Variants in DOK6 observed in about 807,000 individuals in gnomAD.
DOK6 encodes downstream of tyrosine kinase 6.
A neutral mutation model predicts 44.0 loss-of-function variants in DOK6; 22 were observed. The observed-to-expected ratio is 0.50, with a 90% CI of 0.36 to 0.71. The LOEUF is 0.71. Ranked by LOEUF, DOK6 falls within the 30% of genes least tolerant of loss-of-function variation. The probability of loss-of-function intolerance (pLI) is 0.00; values close to 1 mark genes in which losing one functional copy is unlikely to be tolerated. For missense variants in DOK6, 340 were observed against 416.4 expected (o/e 0.82, Z 1.60); for synonymous variants, 166 against 145.5 (o/e 1.14, Z -1.01).
At chr18:69,623,524 G>A (rs1270289496) in intron 3 of DOK6, among the ~76,000 whole-genome samples, 1 of 152,138 alleles carries the variant, frequency 6.6e-6, no homozygotes, top group Non-Finnish European at 1.5e-5. Flanking sequence ...CTCATAATGT[G>A]CATAATCACC....
intron 2 of DOK6, among the ~76,000 whole-genome samples, chr18:69,573,952 C>G (rs1049242443): frequency 3.9e-5 from 6 of 151,918 alleles, no homozygotes; most frequent in African/African-American, 1.2e-4. Context: ...AAGGTAAAAG[C>G]CATCAATAGG....
chr18:69,626,036 A>T (rs188334543), intron 3 of DOK6, among the ~76,000 whole-genome samples: 274 of 152,288 alleles, frequency 1.8e-3, no homozygotes, highest in Non-Finnish European at 3.0e-3. Context: ...GATGCATCTG[A>T]CACCCTGACT....
chr18:69,833,965 A>T (rs2096482218), intron 7 of DOK6, among the ~76,000 whole-genome samples: 1 of 152,226 alleles, frequency 6.6e-6, no homozygotes, highest in Admixed American at 6.5e-5. Flanking sequence ...AATATTAAGT[A>T]GTACAGCTAT....
rs563370052 is a variant in DOK6, at chr18:69,441,182, G to A, written c.66+39872G>A. Among the ~76,000 whole-genome samples, 26 of 152,048 alleles carry A rather than the reference G, an allele frequency of 1.7e-4. No homozygotes were observed. In the South Asian group the frequency reaches 4.2e-3, roughly 24 times the overall value. ...AATACTCCTTACATGAATACCAGATGAAGTTAAAGTAACATTTTATTACAG... is the reference window on the plus strand; with the variant it reads ...AATACTCCTTACATGAATACCAGATAAAGTTAAAGTAACATTTTATTACAG... On this transcript the variant is annotated intron_variant, in intron 1 of 7. Coordinates refer to ENST00000382713, the MANE Select transcript of DOK6 (RefSeq NM_152721.6).
At chr18:69,655,375 T>C (rs1985333451) in intron 3 of DOK6, among the ~76,000 whole-genome samples, 1 of 152,154 alleles carries the variant, frequency 6.6e-6, no homozygotes, top group Non-Finnish European at 1.5e-5. Flanking sequence ...TAAAATGCCA[T>C]TGAAATGGAA....
In DOK6 at chr18:69,689,036, C is replaced by T. The variant is rs568195133; in HGVS notation, c.410-9368C>T. On this transcript the variant is annotated intron_variant, in intron 4 of 7. Transcript: ENST00000382713. The stretch of plus-strand genomic sequence containing the variant: ...AACTTCATCAAAACTCAAACTATTG[C>T]TCATCAAGAAAGTGCCATCAAAAAA... 2.4e-4 allele frequency among the ~76,000 whole-genome samples: 37 copies of T among 152,224 alleles called. 2 individuals are homozygous for T. The South Asian group carries it at 7.5e-3, about 31-fold the overall frequency.
chr18:69,651,803 A>G (rs1385864504), intron 3 of DOK6, among the ~76,000 whole-genome samples: 1 of 151,828 alleles, frequency 6.6e-6, no homozygotes, highest in Non-Finnish European at 1.5e-5. Flanking sequence ...GCCCCCTTTA[A>G]TCTCTTTTCT....
At chr18:69,509,104 G>A (rs1332707462) in intron 1 of DOK6, among the ~76,000 whole-genome samples, 2 of 152,072 alleles carry the variant, frequency 1.3e-5, no homozygotes, top group African/African-American at 4.8e-5. Flanking sequence ...ACCATCACCA[G>A]TGGTAAGACA....
At chr18:69,759,913 T>G (rs563712960) in intron 7 of DOK6, among the ~76,000 whole-genome samples, 5 of 152,330 alleles carry the variant, frequency 3.3e-5, no homozygotes, top group Non-Finnish European at 7.3e-5. Flanking sequence ...ATTTATAAAA[T>G]GTATTCAACG....
chr18:69,808,449 G>A (rs1464212675), intron 7 of DOK6, among the ~76,000 whole-genome samples: 10 of 151,668 alleles, frequency 6.6e-5, no homozygotes, highest in Admixed American at 4.6e-4. Flanking sequence ...CAAAGTAAAC[G>A]AGTTAGAGAC....
intron 5 of DOK6, among the ~76,000 whole-genome samples, chr18:69,738,609 T>A (rs1382489535): frequency 2.0e-5 from 3 of 152,238 alleles, no homozygotes; most frequent in African/African-American, 7.2e-5. Flanking sequence ...AGTTTGCCCA[T>A]ATTGTATCAT....
chr18:69,489,383 A>G (rs1302128531), intron 1 of DOK6, among the ~76,000 whole-genome samples: 2 of 152,190 alleles, frequency 1.3e-5, no homozygotes, highest in Admixed American at 6.5e-5. Context: ...GTGATGGACC[A>G]TGGGCCAGGG....
intron 1 of DOK6, among the ~76,000 whole-genome samples, chr18:69,432,022 GA>G (rs149308148): frequency 0.28 from 42,039 of 151,920 alleles, 6,255 homozygotes; most frequent in East Asian, 0.43. Context: ...CATAGGAACT[GA>G]TGTTAAGTCT....
intron 3 of DOK6, among the ~76,000 whole-genome samples, chr18:69,665,653 C>T (rs1223248156): frequency 6.6e-6 from 1 of 152,150 alleles, no homozygotes; most frequent in African/African-American, 2.4e-5. Context: ...CCTAGAAGCT[C>T]AAGGATGATT....
At chr18:69,718,388 GGGAAACA>G (rs1986930886) in intron 5 of DOK6, among the ~76,000 whole-genome samples, 1 of 152,048 alleles carries the variant, frequency 6.6e-6, no homozygotes, top group African/African-American at 2.4e-5. Flanking sequence ...TGAAAGATGA[GGGAAACA>G]TACAGTTTCC....
intron 1 of DOK6, among the ~76,000 whole-genome samples, chr18:69,477,965 G>A (rs1202811688): frequency 6.6e-6 from 1 of 152,086 alleles, no homozygotes; most frequent in East Asian, 1.9e-4. Context: ...AGTGGTGAAT[G>A]AAATTTAAAA....
chr18:69,463,047 T>C (rs1979829414), intron 1 of DOK6, among the ~76,000 whole-genome samples: 1 of 152,192 alleles, frequency 6.6e-6, no homozygotes, highest in Admixed American at 6.5e-5. Flanking sequence ...ATAACATCAA[T>C]TGGGTTGCTT....
intron 1 of DOK6, among the ~76,000 whole-genome samples, chr18:69,457,441 T>C (rs1979660821): frequency 6.6e-6 from 1 of 151,934 alleles, no homozygotes; most frequent in Non-Finnish European, 1.5e-5. Context: ...TTGGCTGTGC[T>C]ATAGGTGTGC....
At chr18:69,623,888 A>G (rs1294561941) in intron 3 of DOK6, among the ~76,000 whole-genome samples, 3 of 152,174 alleles carry the variant, frequency 2.0e-5, no homozygotes, top group Non-Finnish European at 4.4e-5. Flanking sequence ...TCTAGCTGGT[A>G]TACTGCATAC....
Sources: gnomAD v4.1 joint callset for allele counts (sites outside exome capture counted in the v4.1 genomes callset) on GRCh38, gnomAD v4.1.1 for gene constraint, MANE v1.5 for transcripts, NCBI Gene and HGNC (gene_info 2026-07-23, HGNC 2026-07-21) for gene names.